BMAL2: variants seen among roughly 807,000 people sequenced by gnomAD.
The protein encoded by BMAL2 is basic helix-loop-helix ARNT like 2, also known as basic helix-loop-helix ARNT-like protein 2.
At chr12:27,369,613 T>C in the BMAL2 span, among the ~76,000 whole-genome samples, 1 of 152,234 alleles carries the variant, frequency 6.6e-6, no homozygotes, top group Non-Finnish European at 1.5e-5. Flanking sequence ...GAACTGAAAG[T>C]GACTGTTAGT....
the BMAL2 span, among the ~76,000 whole-genome samples, chr12:27,336,084 G>T: frequency 6.6e-6 from 1 of 152,148 alleles, no homozygotes; most frequent in Non-Finnish European, 1.5e-5. Flanking sequence ...GGTAGCCCTA[G>T]TTTTCAGTTG....
the BMAL2 span, among the ~76,000 whole-genome samples, chr12:27,373,753 G>A: frequency 6.6e-6 from 1 of 152,204 alleles, no homozygotes; most frequent in Admixed American, 6.5e-5. Context: ...GGTTGATTTA[G>A]AAAGAATGCC....
chr12:27,390,173 C>T, the BMAL2 span: 191 of 1,613,624 alleles, frequency 1.2e-4, 1 homozygote, highest in Non-Finnish European at 1.5e-4. Flanking sequence ...TTTTTTCTGT[C>T]GGATAAAGAG....
the BMAL2 span, among the ~76,000 whole-genome samples, chr12:27,361,579 C>T: frequency 2.0e-5 from 3 of 152,148 alleles, no homozygotes; most frequent in African/African-American, 4.8e-5. Flanking sequence ...AGCTGAACTT[C>T]AATTCCTAAC....
the BMAL2 span, chr12:27,333,184 G>C: frequency 1.7e-6 from 2 of 1,184,408 alleles, no homozygotes; most frequent in Non-Finnish European, 2.1e-6. Context: ...GCGACGCCAG[G>C]TCTGCCCCCG....
chr12:27,378,564 G>GT, the BMAL2 span, among the ~76,000 whole-genome samples: 1 of 152,210 alleles, frequency 6.6e-6, no homozygotes. Context: ...ATTTGGAGCT[G>GT]TCGGGGAAAG....
the BMAL2 span, among the ~76,000 whole-genome samples, chr12:27,341,225 A>G: frequency 2.7e-5 from 4 of 150,234 alleles, no homozygotes; most frequent in Non-Finnish European, 6.0e-5. Flanking sequence ...CTCATTCAGT[A>G]TGATGGTATT....
chr12:27,410,902 T>G, the BMAL2 span, among the ~76,000 whole-genome samples: 483 of 152,168 alleles, frequency 3.2e-3, 3 homozygotes, highest in African/African-American at 0.011. Flanking sequence ...TGTATAAAAA[T>G]TAAAACCTTA....
chr12:27,382,273 G>C, the BMAL2 span, among the ~76,000 whole-genome samples: 1 of 152,188 alleles, frequency 6.6e-6, no homozygotes, highest in East Asian at 1.9e-4. Context: ...AGACCTAAGG[G>C]AAAAGCCATG....
chr12:27,407,922 AC>A, the BMAL2 span, among the ~76,000 whole-genome samples: 3 of 152,200 alleles, frequency 2.0e-5, no homozygotes, highest in Non-Finnish European at 4.4e-5. Context: ...ATCACCACCG[AC>A]CCCACAGAAA....
At chr12:27,351,810 C>T in the BMAL2 span, among the ~76,000 whole-genome samples, 13 of 152,208 alleles carry the variant, frequency 8.5e-5, no homozygotes, top group African/African-American at 1.9e-4. Flanking sequence ...CGCTTGGGAA[C>T]GGCGAGTAAC....
the BMAL2 span, chr12:27,403,342 T>C: frequency 3.5e-6 from 3 of 845,092 alleles, no homozygotes; most frequent in South Asian, 4.6e-5. Context: ...ATGCAGCTAG[T>C]CTGTTTCTTT....
At chr12:27,402,372 T>C in the BMAL2 span, among the ~76,000 whole-genome samples, 19 of 152,318 alleles carry the variant, frequency 1.2e-4, 1 homozygote, top group African/African-American at 3.8e-4. Flanking sequence ...CTACTTATTA[T>C]TAGTACAGGA....
chr12:27,392,640 A>G, the BMAL2 span, among the ~76,000 whole-genome samples: 1 of 100,808 alleles, frequency 9.9e-6, no homozygotes, highest in East Asian at 3.1e-4. Context: ...TAAGGATCCA[A>G]TCATTTGTAA....
the BMAL2 span, among the ~76,000 whole-genome samples, chr12:27,402,891 C>T: frequency 6.6e-6 from 1 of 152,180 alleles, no homozygotes; most frequent in African/African-American, 2.4e-5. Flanking sequence ...ATCACCATGT[C>T]CCCCTCAAAA....
chr12:27,399,831 G>A, the BMAL2 span, among the ~76,000 whole-genome samples: 2 of 151,908 alleles, frequency 1.3e-5, no homozygotes, highest in Non-Finnish European at 2.9e-5. Context: ...GTTTATGCCC[G>A]TATTGGATTT....
chr12:27,401,642 G>C, the BMAL2 span: 1 of 1,607,834 alleles, frequency 6.2e-7, no homozygotes, highest in Non-Finnish European at 8.5e-7. Flanking sequence ...CAAAAGAACT[G>C]GAATATATTG....
At chr12:27,387,880 C>T in the BMAL2 span, among the ~76,000 whole-genome samples, 21 of 152,082 alleles carry the variant, frequency 1.4e-4, no homozygotes, top group African/African-American at 3.9e-4. Flanking sequence ...ACTAGAAATC[C>T]GATAGACTGC....
the BMAL2 span, chr12:27,400,570 A>T: frequency 6.2e-7 from 1 of 1,613,736 alleles, no homozygotes; most frequent in Admixed American, 1.7e-5. Flanking sequence ...TGCACTGGTT[A>T]CTTGAGAAGC....
Sources: gnomAD v4.1 joint callset for allele counts (sites outside exome capture counted in the v4.1 genomes callset) on GRCh38, gnomAD v4.1.1 for gene constraint, MANE v1.5 for transcripts, NCBI Gene and HGNC (gene_info 2026-07-23, HGNC 2026-07-21) for gene names.